The following OTULIN variants were observed in gnomAD, a reference collection of about 807,000 sequenced individuals.
OTULIN encodes the protein OTU deubiquitinase with linear linkage specificity.
OTULIN carries 15 observed loss-of-function variants against 39.6 expected under a neutral mutation model. The ratio of observed to expected loss-of-function variants is 0.38; its 90% CI spans 0.25 to 0.58. The LOEUF (loss-of-function observed/expected upper bound fraction) is 0.58. Among genes scored for constraint, OTULIN ranks in the 20% least tolerant of loss-of-function variants. The probability of loss-of-function intolerance (pLI) is 0.66; values close to 1 mark genes in which losing one functional copy is unlikely to be tolerated. For synonymous variants in OTULIN, 156 were observed against 170.3 expected (o/e 0.92, Z 0.65); for missense variants, 319 against 445.9 (o/e 0.72, Z 2.56).
At chr5:14,713,072 G>T in the OTULIN span, 1 of 1,159,120 alleles carries the variant, frequency 8.6e-7, no homozygotes, top group Non-Finnish European at 1.3e-6. This position sits in a 1 kb window ranked among gnomAD's most constrained non-coding sequence, Gnocchi z 4.4. Flanking sequence ...CCTCGAGACG[G>T]CTGAGACCAG....
At chr5:14,671,986 T>C (rs1735988177) in intron 1 of OTULIN, among the ~76,000 whole-genome samples, 1 of 152,176 alleles carries the variant, frequency 6.6e-6, no homozygotes, top group Admixed American at 6.5e-5. Flanking sequence ...GTCATAGTTA[T>C]ACATACAGCT....
chr5:14,687,526 A>C lies in OTULIN; in HGVS notation c.474A>C (p.Pro158=), dbSNP rs540024519. The change falls in exon 5 of 7, where the codon CCA becomes CCC. Residue 158 remains proline (P), a synonymous_variant. Coordinates refer to ENST00000284274, the MANE Select transcript of OTULIN (RefSeq NM_138348.6). ...TTTGTTTCTCGATGTTGTAGTTACC[A>C]GAAAAACTCATAAGCAAATACAACT... The part of the protein sequence containing the change: ...WLQDPELMLL[P]EKLISKYNWI... 6.2e-7 allele frequency: 1 copy of C among 1,612,138 alleles called. No individual in the cohort carries two copies. Among genetic ancestry groups the C allele is most frequent in the Admixed American group, 1.7e-5 (1 of 59,464 alleles).
Position 14,664,911 on chromosome 5 carries a change from C to G in OTULIN, c.86C>G (p.Ala29Gly). The G allele has an allele frequency of 8.5e-7, 1 of 1,179,814 alleles. No individual in the cohort carries two copies. The highest frequency in any genetic ancestry group is 1.0e-6 in the Non-Finnish European group (1 of 955,276). 73.1% of individuals were successfully genotyped at this position (1,179,814 alleles called of 1,614,324 possible). Residue 29 changes from alanine (A) to glycine (G), a missense_variant, in exon 1 of 7, where the codon GCG (alanine) becomes GGG (glycine). This residue lies in a region of OTULIN where 132 missense variants were observed against 143.7 expected (regional missense o/e 0.92). Coordinates refer to ENST00000284274, the MANE Select transcript of OTULIN (RefSeq NM_138348.6). ...ETPAREAAAT[A>G]RDGGKAAASG... is the part of the protein sequence containing the mutation. ...CCGGCGCGGGAGGCGGCGGCCACGG[C>G]GCGGGACGGCGGGAAGGCGGCGGCC...
In OTULIN at chr5:14,664,973, G is replaced by T; in HGVS notation, c.148G>T (p.Glu50Ter). 9.2e-7 allele frequency: 1 copy of T among 1,082,328 alleles called. No homozygotes were observed. Among genetic ancestry groups the T allele is most frequent in the South Asian group, 4.3e-5 (1 of 23,054 alleles). 67.0% of individuals were successfully genotyped at this position (1,082,328 alleles called of 1,614,324 possible). A position where few individuals can be genotyped will look rare whatever the true frequency, so the allele number is the denominator to read the frequency against. The change falls in exon 1 of 7, where the codon GAG (glutamate) becomes TAG (stop). Residue 50 changes from glutamate (E) to a stop codon, truncating the protein, a stop_gained. Coordinates refer to ENST00000284274, the MANE Select transcript of OTULIN (RefSeq NM_138348.6). LOFTEE classifies it high-confidence loss of function. ...QPRPEMQCPAEHEEDMYRAAD... is the reference protein window; with the variant it reads ...QPRPEMQCPA ...GCGGCCCGAGATGCAGTGCCCGGCCGAGCAGTGAGTCCGCGGGGGCGCGGG... is the reference window on the plus strand; with the variant it reads ...GCGGCCCGAGATGCAGTGCCCGGCCTAGCAGTGAGTCCGCGGGGGCGCGGG...
chr5:14,672,501 T>C (rs756566637), intron 1 of OTULIN, among the ~76,000 whole-genome samples: 51 of 150,958 alleles, frequency 3.4e-4, no homozygotes, highest in Non-Finnish European at 6.1e-4. Context: ...CACTGAATAT[T>C]TTTTTTTTAG....
chr5:14,689,961 T>C (rs1736482934), intron 5 of OTULIN, 78 bp from the exon 6 acceptor site: 1 of 1,441,778 alleles, frequency 6.9e-7, no homozygotes, highest in Admixed American at 2.2e-5. Flanking sequence ...AAAAAATAAT[T>C]TTGTGCTCAT....
At chr5:14,666,149 T>G (rs545332904) in intron 1 of OTULIN, among the ~76,000 whole-genome samples, 1 of 152,248 alleles carries the variant, frequency 6.6e-6, no homozygotes, top group African/African-American at 2.4e-5. Context: ...TTTAATGCCC[T>G]GTCTCACGTG....
chr5:14,713,483 C>T, the OTULIN span: 18 of 1,605,768 alleles, frequency 1.1e-5, no homozygotes, highest in Non-Finnish European at 1.5e-5. This position sits in a 1 kb window ranked among gnomAD's most constrained non-coding sequence, Gnocchi z 4.4. Flanking sequence ...GCTGTTAAAC[C>T]TCTGGACACA....
chr5:14,689,964 G>A, intron 5 of OTULIN, 75 bp from the exon 6 acceptor site: 2 of 1,447,962 alleles, frequency 1.4e-6, no homozygotes, highest in Non-Finnish European at 1.9e-6. Flanking sequence ...AAATAATTTT[G>A]TGCTCATAGT....
rs1303194717 is a variant in OTULIN at position 14,696,676 on chromosome 5, A to C, written c.*3628A>C. 3 of 152,222 alleles carry C rather than the reference A, an allele frequency of 2.0e-5. No individual in the cohort carries two copies. The highest frequency in any genetic ancestry group is 6.5e-5 in the Admixed American group (1 of 15,284). The allele number at this position is 152,222 out of a possible 1,614,324, so 9.4% of individuals were successfully genotyped here. A position where few individuals can be genotyped will look rare whatever the true frequency, so the allele number is the denominator to read the frequency against. Reference sequence around the variant, plus strand: ...ACCTCCTGTGCTTAAGTTATAGAAGAATAAAAATCTGAATGAATGGAAGGC... The same window carrying C: ...ACCTCCTGTGCTTAAGTTATAGAAGCATAAAAATCTGAATGAATGGAAGGC... On this transcript the variant is annotated 3_prime_UTR_variant, in exon 7 of 7. Transcript: ENST00000284274.
chr5:14,679,257 C>G (rs1736184865), intron 3 of OTULIN, among the ~76,000 whole-genome samples: 1 of 152,186 alleles, frequency 6.6e-6, no homozygotes, highest in African/African-American at 2.4e-5. Flanking sequence ...GTCTCCAAGG[C>G]TGTGGGATGA....
At chr5:14,677,951 C>T (rs1389926075) in intron 2 of OTULIN, among the ~76,000 whole-genome samples, 1 of 152,208 alleles carries the variant, frequency 6.6e-6, no homozygotes, top group Non-Finnish European at 1.5e-5. Context: ...TGTGTCAGTG[C>T]AGCTCCAGAT....
chr5:14,666,918 C>G (rs1735862431), intron 1 of OTULIN, among the ~76,000 whole-genome samples: 1 of 152,164 alleles, frequency 6.6e-6, no homozygotes, highest in Non-Finnish European at 1.5e-5. Context: ...ATAAGGTATT[C>G]ATGTCAATTC....
chr5:14,705,019 A>G, the OTULIN span: 1 of 152,216 alleles, frequency 6.6e-6, no homozygotes, highest in Non-Finnish European at 1.5e-5. Flanking sequence ...ATCAAAAACT[A>G]CACAAATATT....
intron 3 of OTULIN, among the ~76,000 whole-genome samples, chr5:14,679,414 A>G (rs1458266339): frequency 1.3e-5 from 2 of 152,208 alleles, no homozygotes; most frequent in East Asian, 1.9e-4. Context: ...CAAATCCAGT[A>G]TTATCAGTAG....
intron 1 of OTULIN, among the ~76,000 whole-genome samples, chr5:14,667,590 G>A (rs546625382): frequency 6.6e-6 from 1 of 152,340 alleles, no homozygotes; most frequent in South Asian, 2.1e-4. Context: ...GCCCAGGCCG[G>A]TCTCTACCTC....
rs1004015265 is a variant in OTULIN, at chr5:14,699,565, T to C, written c.*6517T>C. ...CTCCCTCTACTTGTCTGAATTACGATGCTCTGCTCAACTCTGTGGACAGTG... is the reference window on the plus strand; with the variant it reads ...CTCCCTCTACTTGTCTGAATTACGACGCTCTGCTCAACTCTGTGGACAGTG... On this transcript the variant is annotated 3_prime_UTR_variant, in exon 7 of 7. Coordinates refer to ENST00000284274, the MANE Select transcript of OTULIN (RefSeq NM_138348.6). 2 of 152,254 alleles carry C rather than the reference T, an allele frequency of 1.3e-5. No homozygotes were observed. Among genetic ancestry groups the C allele is most frequent in the South Asian group, 2.1e-4 (1 of 4,836 alleles). The allele number at this position is 152,254 out of a possible 1,614,324, so 9.4% of individuals were successfully genotyped here.
At chr5:14,672,643 T>C (rs1043572015) in intron 1 of OTULIN, among the ~76,000 whole-genome samples, 2 of 152,158 alleles carry the variant, frequency 1.3e-5, no homozygotes, top group Non-Finnish European at 2.9e-5. Context: ...GCTAGTCTCC[T>C]TGTTTTCTGC....
intron 2 of OTULIN, among the ~76,000 whole-genome samples, chr5:14,675,973 C>T (rs1053968070): frequency 2.6e-5 from 4 of 152,170 alleles, no homozygotes; most frequent in East Asian, 1.9e-4. Context: ...TGGTGGCTTT[C>T]GTGCATAGTA....
Sources: allele counts gnomAD v4.1 joint callset (sites outside exome capture counted in the v4.1 genomes callset), GRCh38; gene constraint gnomAD v4.1.1; regional missense constraint gnomAD v4.1.1; non-coding constraint Gnocchi (gnomAD v3.1); transcripts MANE v1.5; gene names NCBI Gene and HGNC (gene_info 2026-07-23, HGNC 2026-07-21).